The following HYAL4 variants were observed in gnomAD, a reference collection of about 807,000 sequenced individuals.
HYAL4 encodes the protein hyaluronidase-4.
Under a neutral mutation model 35.2 loss-of-function variants are expected in HYAL4, and 37 were observed. That is an observed-to-expected ratio of 1.05 (90% CI 0.81 to 1.38). HYAL4 has a LOEUF of 1.38. HYAL4 is among the 40% of genes most tolerant of loss of function. The probability of loss-of-function intolerance (pLI) is 0.00; values close to 1 mark genes in which losing one functional copy is unlikely to be tolerated. For missense variants in HYAL4, 572 were observed against 572.4 expected, an observed-to-expected ratio of 1.00 and a Z score of 0.01; for synonymous variants, 198 against 203.2, an observed-to-expected ratio of 0.97 and a Z score of 0.22.
At chr7:123,832,190 C>T (rs1805893680) in intron 1 of HYAL4, among the ~76,000 whole-genome samples, 1 of 152,032 alleles carries the variant, frequency 6.6e-6, no homozygotes, top group African/African-American at 2.4e-5. Context: ...ATAATTTGTC[C>T]TCCACCCATT....
At chr7:123,791,104 C>T in the HYAL4 span, among the ~76,000 whole-genome samples, 35 of 152,194 alleles carry the variant, frequency 2.3e-4, no homozygotes, top group South Asian at 6.4e-3. Flanking sequence ...ATAAATTCTG[C>T]TATATATTCT....
At chr7:123,863,240 T>A (rs2116948230) in intron 2 of HYAL4, among the ~76,000 whole-genome samples, 1 of 152,376 alleles carries the variant, frequency 6.6e-6, no homozygotes, top group African/African-American at 2.4e-5. Context: ...TTGCTCACTA[T>A]TGTATTGTTA....
chr7:123,811,024 TTTC>T, the HYAL4 span, among the ~76,000 whole-genome samples: 1 of 152,226 alleles, frequency 6.6e-6, no homozygotes, highest in Admixed American at 6.5e-5. Context: ...TGATGGCTCA[TTTC>T]TTCTTAGCAC....
the HYAL4 span, among the ~76,000 whole-genome samples, chr7:123,813,361 C>T: frequency 5.4e-4 from 82 of 152,170 alleles, 1 homozygote; most frequent in South Asian, 0.016. Context: ...TGGCAGTTTT[C>T]GTCCCAACAG....
At chr7:123,827,428 G>A (rs1805814868), upstream of HYAL4, among the ~76,000 whole-genome samples, 1 of 152,096 alleles carries the variant, frequency 6.6e-6, no homozygotes, top group South Asian at 2.1e-4. Flanking sequence ...TTTCTTGGTT[G>A]CTTTTTCGTC....
At chr7:123,819,016 A>G in the HYAL4 span, among the ~76,000 whole-genome samples, 1 of 152,178 alleles carries the variant, frequency 6.6e-6, no homozygotes, top group African/African-American at 2.4e-5. Flanking sequence ...CATGCTATAC[A>G]ATAGATCTCT....
chr7:123,834,244 G>C (rs1805927278), intron 1 of HYAL4, among the ~76,000 whole-genome samples: 2 of 151,852 alleles, frequency 1.3e-5, no homozygotes, highest in Non-Finnish European at 2.9e-5. Context: ...TTTGTTTGTG[G>C]CATCTATGAT....
chr7:123,771,310 G>T, the HYAL4 span, among the ~76,000 whole-genome samples: 1 of 152,084 alleles, frequency 6.6e-6, no homozygotes, highest in African/African-American at 2.4e-5. Flanking sequence ...CAGTCAACAT[G>T]GTATCATGCA....
Position 123,877,060 on chromosome 7 carries a change from A to G in HYAL4, c.1351A>G (p.Thr451Ala). 6.2e-7 allele frequency: 1 copy of G among 1,614,204 alleles called. No homozygotes were observed. The highest frequency in any genetic ancestry group is 2.2e-5 in the East Asian group (1 of 44,890). Residue 451 changes from threonine (T) to alanine (A), a missense_variant, in exon 5 of 5, where the codon ACG becomes GCG. Physicochemically the swap from Thr to Ala is moderately conservative, Grantham distance 58. Coordinates refer to ENST00000223026, the MANE Select transcript of HYAL4 (RefSeq NM_012269.3). Reference sequence around the variant, plus strand: ...AGGAGCTGATTGCAGAGAAATAAAGACGGCTGATGGCTGCTCTGGGGTTTC... The same window carrying G: ...AGGAGCTGATTGCAGAGAAATAAAGGCGGCTGATGGCTGCTCTGGGGTTTC... ...YEGADCREIKTADGCSGVSPS... is the reference protein window; with the variant it reads ...YEGADCREIKAADGCSGVSPS...
chr7:123,868,901 C>T lies in HYAL4; in HGVS notation c.628C>T (p.Arg210Ter), dbSNP rs139822072. The T allele has an allele frequency of 7.3e-4, 1,184 of 1,614,136 alleles. 1 individual carries two copies. Among genetic ancestry groups the T allele is most frequent in the Non-Finnish European group, 8.9e-4 (1,049 of 1,180,008 alleles). ...KETIKLGIKS[R>*]PKGLWGYYLY... is the part of the protein sequence containing the mutation. ...AACCATCAAATTGGGAATTAAGAGC[C>T]GACCCAAAGGCCTTTGGGGTTATTA... The change falls in exon 3 of 5, where the codon CGA becomes TGA. Residue 210 changes from arginine (R) to a stop codon, truncating the protein, a stop_gained. Coordinates refer to ENST00000223026, the MANE Select transcript of HYAL4 (RefSeq NM_012269.3). LOFTEE classifies it high-confidence loss of function.
chr7:123,845,730 T>G (rs535784206), intron 1 of HYAL4, 45 bp downstream of exon 1: 4 of 152,290 alleles, frequency 2.6e-5, no homozygotes, highest in African/African-American at 9.6e-5. Context: ...AGAAAGTTGT[T>G]TTGTCATATT....
the HYAL4 span, among the ~76,000 whole-genome samples, chr7:123,803,078 A>G: frequency 6.6e-6 from 1 of 152,128 alleles, no homozygotes; most frequent in Non-Finnish European, 1.5e-5. Flanking sequence ...TCCCTTCTTG[A>G]GAAATAATCC....
the HYAL4 span, among the ~76,000 whole-genome samples, chr7:123,793,316 G>T: frequency 0.015 from 2,359 of 152,254 alleles, 70 homozygotes; most frequent in African/African-American, 0.054. Flanking sequence ...CTAGACAGTT[G>T]TCTCTAAATA....
chr7:123,778,505 A>G, the HYAL4 span, among the ~76,000 whole-genome samples: 1 of 151,820 alleles, frequency 6.6e-6, no homozygotes, highest in African/African-American at 2.4e-5. Flanking sequence ...CTTTCATGAC[A>G]GTATTATTTT....
intron 3 of HYAL4, among the ~76,000 whole-genome samples, chr7:123,870,442 G>A (rs1806847081): frequency 6.6e-6 from 1 of 152,086 alleles, no homozygotes; most frequent in Admixed American, 6.6e-5. Flanking sequence ...AAGAATAATA[G>A]GAAGTCAGTA....
chr7:123,829,973 C>G (rs1805855708), intron 1 of HYAL4, among the ~76,000 whole-genome samples: 1 of 152,178 alleles, frequency 6.6e-6, no homozygotes, highest in South Asian at 2.1e-4. Flanking sequence ...CAAAGCCTCT[C>G]TGATGAGATG....
chr7:123,801,532 TCCTAAAGTTAAATTACAAAATACGAAAA>T, the HYAL4 span, among the ~76,000 whole-genome samples: 366 of 152,312 alleles, frequency 2.4e-3, no homozygotes, highest in African/African-American at 8.3e-3. Flanking sequence ...ACAACTTAAA[TCCTAAAGTTAAATTACAAAATACGAAAA>T]CCTATTCTTA....
rs757921086 is a variant in HYAL4 at position 123,874,765 on chromosome 7, A to T, written c.959A>T (p.Asp320Val). ...DEPLFFLSKQ[D>V]LVSTIGESAA... is the part of the protein sequence containing the mutation. ...ACTCTACTGTCTTCAATCTAGCAAGATCTAGTCAGCACCATAGGAGAAAGT... is the reference window on the plus strand; with the variant it reads ...ACTCTACTGTCTTCAATCTAGCAAGTTCTAGTCAGCACCATAGGAGAAAGT... Residue 320 changes from aspartate (D) to valine (V), a missense_variant, in exon 4 of 5, where the codon GAT becomes GTT. Coordinates refer to ENST00000223026, the MANE Select transcript of HYAL4 (RefSeq NM_012269.3). 6.3e-7 allele frequency: 1 copy of T among 1,589,470 alleles called. No individual in the cohort carries two copies.
chr7:123,806,725 T>G, the HYAL4 span, among the ~76,000 whole-genome samples: 1 of 152,108 alleles, frequency 6.6e-6, no homozygotes, highest in East Asian at 1.9e-4. Flanking sequence ...GTGCTGAGAT[T>G]ACAGGCATGA....
Sources: gnomAD v4.1 joint callset for allele counts (sites outside exome capture counted in the v4.1 genomes callset) on GRCh38, gnomAD v4.1.1 for gene constraint, MANE v1.5 for transcripts, NCBI Gene and HGNC (gene_info 2026-07-23, HGNC 2026-07-21) for gene names.